Variants in SPRED1 observed in about 807,000 individuals in gnomAD.
SPRED1 encodes the protein sprouty related EVH1 domain containing 1.
In SPRED1, 18 loss-of-function variants were observed where a neutral mutation model predicts 52.3. The observed-to-expected ratio is 0.34, with a 90% CI of 0.24 to 0.51. The LOEUF is 0.51. SPRED1 is among the 20% of genes least tolerant of loss of function. The pLI is 0.97. For missense variants in SPRED1, 485 were observed against 551.0 expected, an observed-to-expected ratio of 0.88 and a Z score of 1.20; for synonymous variants, 155 against 179.7, an observed-to-expected ratio of 0.86 and a Z score of 1.10.
At chr15:38,316,748 G>GGT in intron 2 of SPRED1, among the ~76,000 whole-genome samples, 1,259 of 41,744 alleles carry the variant, frequency 0.03, 184 homozygotes, top group African/African-American at 0.1. Flanking sequence ...TCCATTATAT[G>GGT]TTTTTTTTTT....
At chr15:38,254,575 C>A (rs1031595463) in intron 1 of SPRED1, among the ~76,000 whole-genome samples, 1 of 152,176 alleles carries the variant, frequency 6.6e-6, no homozygotes, top group African/African-American at 2.4e-5. Context: ...AAAAAAAATT[C>A]GCGGCTTATT....
chr15:38,336,202 C>A (rs1186936639), intron 4 of SPRED1, among the ~76,000 whole-genome samples: 2 of 151,676 alleles, frequency 1.3e-5, no homozygotes, highest in African/African-American at 4.8e-5. Context: ...TTCACCTTTC[C>A]CTTATTATGC....
Position 38,348,478 on chromosome 15 carries a change from A to T in SPRED1, c.583-944A>T, listed in dbSNP as rs555780822. ...AATTTTTGGAGGAATGCACTAAAAA[A>T]TTTTTTTTATGATAGTTAACTTTTA... On this transcript the variant is annotated intron_variant, in intron 5 of 6. Transcript: ENST00000299084. 8.4e-3 allele frequency among the ~76,000 whole-genome samples: 1,268 copies of T among 151,830 alleles called. 18 individuals carry two copies. Among genetic ancestry groups the T allele is most frequent in the African/African-American group, 0.029 (1,195 of 41,402 alleles).
At chr15:38,279,450 A>G (rs963313683) in intron 1 of SPRED1, among the ~76,000 whole-genome samples, 1 of 152,212 alleles carries the variant, frequency 6.6e-6, no homozygotes, top group Non-Finnish European at 1.5e-5. Flanking sequence ...TAATCTTATC[A>G]GGTTGCAAAT....
chr15:38,269,922 T>C (rs1372152886), intron 1 of SPRED1, among the ~76,000 whole-genome samples: 1 of 148,596 alleles, frequency 6.7e-6, no homozygotes, highest in Non-Finnish European at 1.5e-5. Context: ...TTTTTTTTTT[T>C]TTTGAGACAG....
At chr15:38,345,517 A>G (rs1355449492) in intron 5 of SPRED1, among the ~76,000 whole-genome samples, 1 of 152,206 alleles carries the variant, frequency 6.6e-6, no homozygotes, top group South Asian at 2.1e-4. Context: ...AAGTTAACGT[A>G]CTAGTTTTGT....
intron 1 of SPRED1, among the ~76,000 whole-genome samples, chr15:38,286,226 C>CAAAAA (rs368405955): frequency 1.3e-4 from 12 of 89,516 alleles, no homozygotes; most frequent in South Asian, 9.1e-4. Context: ...ACTCCAGCCT[C>CAAAAA]AAAAAAAAAA....
At chr15:38,337,759 TCA>T (rs1329165956) in intron 4 of SPRED1, among the ~76,000 whole-genome samples, 3 of 151,954 alleles carry the variant, frequency 2.0e-5, no homozygotes, top group South Asian at 2.1e-4. Flanking sequence ...ATATAACTTC[TCA>T]GTTATTATAA....
chr15:38,288,320 A>C (rs940073092), intron 1 of SPRED1, among the ~76,000 whole-genome samples: 1 of 152,202 alleles, frequency 6.6e-6, no homozygotes, highest in Non-Finnish European at 1.5e-5. Flanking sequence ...TGAATATGAC[A>C]TGTTAATAAA....
intron 1 of SPRED1, among the ~76,000 whole-genome samples, chr15:38,290,553 A>T (rs1244115439): frequency 1.3e-5 from 2 of 152,190 alleles, no homozygotes; most frequent in African/African-American, 4.8e-5. Flanking sequence ...CATGCTGCTG[A>T]TAAAGACATA....
At chr15:38,275,728 C>T (rs1004361044) in intron 1 of SPRED1, among the ~76,000 whole-genome samples, 2 of 152,174 alleles carry the variant, frequency 1.3e-5, no homozygotes, top group Non-Finnish European at 2.9e-5. Context: ...GAACTCCTGA[C>T]CTCGTGATCC....
chr15:38,335,918 A>G (rs1376235118), intron 4 of SPRED1, among the ~76,000 whole-genome samples: 1 of 152,128 alleles, frequency 6.6e-6, no homozygotes, highest in African/African-American at 2.4e-5. Context: ...AAATGATTCT[A>G]TATCAAAAGG....
chr15:38,276,611 G>T (rs544315655), intron 1 of SPRED1, among the ~76,000 whole-genome samples: 1 of 152,206 alleles, frequency 6.6e-6, no homozygotes, highest in South Asian at 2.1e-4. Context: ...CTCACCCAAG[G>T]CGTAATAAAT....
intron 1 of SPRED1, among the ~76,000 whole-genome samples, chr15:38,271,405 A>G (rs142799771): frequency 2.2e-4 from 34 of 152,344 alleles, no homozygotes; most frequent in African/African-American, 7.9e-4. Flanking sequence ...AGTCACATTT[A>G]GTCCATCTCC....
At chr15:38,292,685 C>A (rs2140973211) in intron 1 of SPRED1, among the ~76,000 whole-genome samples, 1 of 152,212 alleles carries the variant, frequency 6.6e-6, no homozygotes, top group African/African-American at 2.4e-5. Flanking sequence ...AATTAAGACC[C>A]CTTGGGTCCC....
chr15:38,332,284 A>G (rs1043928624), intron 4 of SPRED1, among the ~76,000 whole-genome samples: 1 of 152,152 alleles, frequency 6.6e-6, no homozygotes, highest in Non-Finnish European at 1.5e-5. Context: ...TTATTGAAAG[A>G]TATTTTTTGC....
At chr15:38,287,742 A>G (rs1189820132) in intron 1 of SPRED1, among the ~76,000 whole-genome samples, 1 of 152,208 alleles carries the variant, frequency 6.6e-6, no homozygotes, top group Admixed American at 6.5e-5. Flanking sequence ...TTTAAAGTAT[A>G]CAGGAGGATG....
Position 38,324,142 on chromosome 15 carries a change from G to A in SPRED1, c.377-621G>A, listed in dbSNP as rs969216739. On this transcript the variant is annotated intron_variant, in intron 3 of 6. Transcript: ENST00000299084. ...TTTCTTCTTATCTCATGCCTACTCC[G>A]TGCTAAGCTGTGCCTCTCAAGGGTA... Among the ~76,000 whole-genome samples, 7 of 152,016 alleles carry A rather than the reference G, an allele frequency of 4.6e-5. No individual in the cohort carries two copies. In the East Asian group the frequency reaches 7.7e-4, roughly 17 times the overall value.
intron 5 of SPRED1, among the ~76,000 whole-genome samples, chr15:38,346,313 CA>C (rs59137914): frequency 0.69 from 102,236 of 147,148 alleles, 36,092 homozygotes; most frequent in Middle Eastern, 0.78. Context: ...GACCTTGTCT[CA>C]AAAAAAAAAA....
Sources: allele counts gnomAD v4.1 joint callset (sites outside exome capture counted in the v4.1 genomes callset), GRCh38; gene constraint gnomAD v4.1.1; transcripts MANE v1.5; gene names NCBI Gene and HGNC (gene_info 2026-07-23, HGNC 2026-07-21).